ATP13A4: variants seen among roughly 807,000 people sequenced by gnomAD.
ATP13A4 encodes probable cation-transporting ATPase 13A4.
In ATP13A4, 114 loss-of-function variants were observed where a neutral mutation model predicts 142.5. That is an observed-to-expected ratio of 0.80 (90% CI 0.69 to 0.93). The LOEUF (loss-of-function observed/expected upper bound fraction) is 0.93, where lower values mean the gene tolerates loss of function less well. ATP13A4 is among the 40% of genes least tolerant of loss of function. The pLI is 0.00. For missense variants in ATP13A4, 1,392 were observed against 1,454.0 expected (o/e 0.96, Z 0.69); for synonymous variants, 488 against 514.8 (o/e 0.95, Z 0.70).
chr3:193,488,483 T>G (rs1169974408), intron 7 of ATP13A4, among the ~76,000 whole-genome samples: 1 of 152,196 alleles, frequency 6.6e-6, no homozygotes, highest in Admixed American at 6.5e-5. Flanking sequence ...CGGTTTGAAT[T>G]TTATTTTTAT....
chr3:193,440,160 T>C (rs544804246), intron 21 of ATP13A4: 4 of 202,574 alleles, frequency 2.0e-5, no homozygotes, highest in Non-Finnish European at 3.1e-5. Flanking sequence ...CATATGAATA[T>C]CCCTATATCA....
At chr3:193,429,795 A>G (rs1715872181) in intron 25 of ATP13A4, among the ~76,000 whole-genome samples, 1 of 152,100 alleles carries the variant, frequency 6.6e-6, no homozygotes, top group South Asian at 2.1e-4. Context: ...TTTTACCACA[A>G]GAAAAAAATT....
intron 2 of ATP13A4, among the ~76,000 whole-genome samples, chr3:193,507,365 G>C (rs1359742988): frequency 1.3e-5 from 2 of 151,840 alleles, no homozygotes; most frequent in African/African-American, 4.8e-5. Context: ...CTCCTGGCCA[G>C]ACTCATTGAT....
At chr3:193,538,005 T>C (rs145021084) in intron 1 of ATP13A4, among the ~76,000 whole-genome samples, 259 of 152,258 alleles carry the variant, frequency 1.7e-3, no homozygotes, top group African/African-American at 5.9e-3. Context: ...TGGAGTTTCC[T>C]CGCGGTGATG....
intron 7 of ATP13A4, among the ~76,000 whole-genome samples, chr3:193,486,602 A>G (rs915870641): frequency 1.3e-5 from 2 of 152,214 alleles, no homozygotes; most frequent in Non-Finnish European, 2.9e-5. Flanking sequence ...ATTTGAGGAG[A>G]AGAGTTCTTG....
chr3:193,572,663 A>G (rs1223027844), intron 2 of ATP13A4, among the ~76,000 whole-genome samples: 1 of 152,156 alleles, frequency 6.6e-6, no homozygotes, highest in Admixed American at 6.5e-5. Context: ...GAGTGGAGAC[A>G]TTCTCAGAGC....
chr3:193,419,114 G>C (rs1442495349), intron 25 of ATP13A4: 1 of 151,034 alleles, frequency 6.6e-6, no homozygotes, highest in East Asian at 2.1e-4. Context: ...GGCCTGAGGG[G>C]AAGCTGTACG....
intron 18 of ATP13A4, among the ~76,000 whole-genome samples, chr3:193,446,584 A>C (rs1716966563): frequency 6.6e-6 from 1 of 152,230 alleles, no homozygotes; most frequent in Non-Finnish European, 1.5e-5. Flanking sequence ...TATATAAACC[A>C]ATGTTCTTGC....
At chr3:193,406,780 T>G (rs1714520934) in intron 29 of ATP13A4, among the ~76,000 whole-genome samples, 1 of 152,186 alleles carries the variant, frequency 6.6e-6, no homozygotes, top group Non-Finnish European at 1.5e-5. Flanking sequence ...TTCACTTATA[T>G]GAAATGTCCA....
intron 2 of ATP13A4, among the ~76,000 whole-genome samples, chr3:193,560,766 G>A (rs1241159996): frequency 4.6e-5 from 7 of 152,284 alleles, no homozygotes; most frequent in Admixed American, 1.3e-4. Flanking sequence ...GACACTGCAG[G>A]TGCTTGCAAA....
At chr3:193,501,287 C>A (rs1478446613) in intron 3 of ATP13A4, among the ~76,000 whole-genome samples, 2 of 152,096 alleles carry the variant, frequency 1.3e-5, no homozygotes, top group East Asian at 1.9e-4. Flanking sequence ...TTTATTTGGG[C>A]AGCTAAGACA....
At chr3:193,470,808 G>A (rs780436940) in intron 9 of ATP13A4, 51 bp downstream of exon 9, 1 of 1,612,012 alleles carries the variant, frequency 6.2e-7, no homozygotes, top group South Asian at 1.1e-5. Flanking sequence ...ATAGCAGCGT[G>A]GAGTGTGGGC....
At chr3:193,558,501 T>C (rs1217255126), upstream of ATP13A4, among the ~76,000 whole-genome samples, 3 of 152,182 alleles carry the variant, frequency 2.0e-5, no homozygotes, top group Non-Finnish European at 4.4e-5. Flanking sequence ...TTTAATAAAT[T>C]ATGCCCCAGA....
intron 1 of ATP13A4, among the ~76,000 whole-genome samples, chr3:193,518,626 C>T (rs184577745): frequency 6.6e-6 from 1 of 152,230 alleles, no homozygotes; most frequent in African/African-American, 2.4e-5. Flanking sequence ...AAGTAGCTAA[C>T]CAAATTAATG....
chr3:193,428,457 T>C (rs62285709), intron 25 of ATP13A4, among the ~76,000 whole-genome samples: 8,219 of 152,126 alleles, frequency 0.054, 293 homozygotes, highest in South Asian at 0.14. Context: ...ACCCAAAGGA[T>C]TATAAATCAT....
chr3:193,433,172 A>G (rs961790579), intron 25 of ATP13A4, among the ~76,000 whole-genome samples: 2 of 152,196 alleles, frequency 1.3e-5, no homozygotes, highest in African/African-American at 4.8e-5. Context: ...TCAATCATTC[A>G]TCAATAGAAT....
At chr3:193,512,973 ATCACTTGCTCT>A (rs1217327019) in intron 2 of ATP13A4, among the ~76,000 whole-genome samples, 1 of 152,236 alleles carries the variant, frequency 6.6e-6, no homozygotes, top group African/African-American at 2.4e-5. Context: ...CATCACCAAT[ATCACTTGCTCT>A]TATTCCACAA....
intron 1 of ATP13A4, among the ~76,000 whole-genome samples, chr3:193,528,511 T>C (rs947295826): frequency 1.3e-5 from 2 of 152,010 alleles, no homozygotes; most frequent in African/African-American, 2.4e-5. Context: ...AAAGGGGAAA[T>C]GAATGATTTG....
rs546944264 is a variant in ATP13A4 at position 193,425,451 on chromosome 3, G to A, written c.2842+8394C>T. On this transcript the variant is annotated intron_variant, in intron 25 of 29. Transcript: ENST00000342695. The stretch of plus-strand genomic sequence containing the variant: ...CCCTATTCATAATAGCCAAAACATG[G>A]AATTGCCCTAAGGGTATATCAACAG... Among the ~76,000 whole-genome samples the A allele has an allele frequency of 5.9e-5, 9 of 151,764 alleles. No homozygotes were observed. In the South Asian group the frequency reaches 1.9e-3, roughly 31 times the overall value.
Sources: allele counts gnomAD v4.1 joint callset (sites outside exome capture counted in the v4.1 genomes callset), GRCh38; gene constraint gnomAD v4.1.1; transcripts MANE v1.5; gene names NCBI Gene and HGNC (gene_info 2026-07-23, HGNC 2026-07-21).